Variants in CCDC85A observed in about 807,000 individuals in gnomAD.
CCDC85A encodes the protein coiled-coil domain-containing protein 85A.
Under a neutral mutation model 50.2 loss-of-function variants are expected in CCDC85A, and 38 were observed. That is an observed-to-expected ratio of 0.76 (90% CI 0.58 to 0.99). CCDC85A has a LOEUF of 0.99. CCDC85A is among the 50% of genes least tolerant of loss of function. CCDC85A has a pLI of 0.00. For missense variants in CCDC85A, 820 were observed against 742.0 expected (o/e 1.11, Z -1.22); for synonymous variants, 366 against 301.4 (o/e 1.21, Z -2.22).
chr2:56,183,881 C>T (rs1010973162), upstream of CCDC85A: 9 of 985,252 alleles, frequency 9.1e-6, no homozygotes, highest in African/African-American at 1.7e-5. Flanking sequence ...CTCGAGGGCC[C>T]GGGCAGCGGT....
intron 2 of CCDC85A, among the ~76,000 whole-genome samples, chr2:56,338,918 G>A (rs574978394): frequency 1.3e-5 from 2 of 152,176 alleles, no homozygotes; most frequent in African/African-American, 4.8e-5. Flanking sequence ...AACAGCCTGA[G>A]TACTCTTATT....
rs1676771613 is a variant in CCDC85A at position 56,385,231 on chromosome 2, C to A, written c.*876C>A. The A allele has an allele frequency of 6.6e-6, 1 of 152,210 alleles. No homozygotes were observed. Among genetic ancestry groups the A allele is most frequent in the Non-Finnish European group, 1.5e-5 (1 of 67,838 alleles). 9.4% of individuals were successfully genotyped at this position (152,210 alleles called of 1,614,324 possible). On this transcript the variant is annotated 3_prime_UTR_variant, in exon 6 of 6. Coordinates refer to ENST00000407595, the MANE Select transcript of CCDC85A (RefSeq NM_001080433.2). Reference sequence around the variant, plus strand: ...CAATTTCTACAATTTAGTTTCTAGACATGCTGTATATTTAATAAACTTTAT... The same window carrying A: ...CAATTTCTACAATTTAGTTTCTAGAAATGCTGTATATTTAATAAACTTTAT...
intron 2 of CCDC85A, among the ~76,000 whole-genome samples, chr2:56,207,331 C>G (rs947914533): frequency 6.6e-6 from 1 of 152,148 alleles, no homozygotes; most frequent in African/African-American, 2.4e-5. Flanking sequence ...ATCCCTAGCA[C>G]AGCTCCAGCT....
chr2:56,265,949 A>C (rs1292333320), intron 2 of CCDC85A, among the ~76,000 whole-genome samples: 1 of 152,254 alleles, frequency 6.6e-6, no homozygotes, highest in East Asian at 1.9e-4. Context: ...ACACAATGGC[A>C]TACTATTCAG....
intron 2 of CCDC85A, among the ~76,000 whole-genome samples, chr2:56,216,016 C>G (rs1484861915): frequency 1.3e-5 from 2 of 151,910 alleles, no homozygotes; most frequent in Admixed American, 6.6e-5. Context: ...ATTTGCACTA[C>G]AGTGGCAGAG....
chr2:56,314,057 C>T (rs1405479848), intron 2 of CCDC85A, among the ~76,000 whole-genome samples: 1 of 148,456 alleles, frequency 6.7e-6, no homozygotes, highest in Admixed American at 6.8e-5. Context: ...CTGCAGAGAT[C>T]AGGTGAGCTA....
rs141831961 is a variant in CCDC85A at position 56,200,429 on chromosome 2, C to T, written c.1240+6989C>T. 9.5e-3 allele frequency among the ~76,000 whole-genome samples: 1,445 copies of T among 152,174 alleles called. 15 individuals carry two copies. The highest frequency in any genetic ancestry group is 0.027 in the Middle Eastern group (8 of 294). Reference sequence around the variant, plus strand: ...CAAGAGAGCTGGGAAATTTGAGATTCGATATCAAGAGTAGACTACGGGACA... The same window carrying T: ...CAAGAGAGCTGGGAAATTTGAGATTTGATATCAAGAGTAGACTACGGGACA... On this transcript the variant is annotated intron_variant, in intron 2 of 5. Transcript: ENST00000407595.
At chr2:56,371,342 G>A (rs1676062299) in intron 3 of CCDC85A, among the ~76,000 whole-genome samples, 1 of 151,984 alleles carries the variant, frequency 6.6e-6, no homozygotes, top group Non-Finnish European at 1.5e-5. Context: ...AGTTAGAGAA[G>A]AGTGAAAATT....
At chr2:56,295,922 A>T (rs1671926858) in intron 2 of CCDC85A, among the ~76,000 whole-genome samples, 2 of 152,332 alleles carry the variant, frequency 1.3e-5, no homozygotes, top group African/African-American at 4.8e-5. Context: ...AGGATTCTGC[A>T]AATCTAGCTG....
chr2:56,256,441 G>A (rs1316797423), intron 2 of CCDC85A, among the ~76,000 whole-genome samples: 1 of 152,168 alleles, frequency 6.6e-6, no homozygotes, highest in Non-Finnish European at 1.5e-5. Context: ...ATTGATCAGT[G>A]TTATCATTTT....
intron 2 of CCDC85A, among the ~76,000 whole-genome samples, chr2:56,336,046 G>A (rs1674056018): frequency 6.6e-6 from 1 of 152,116 alleles, no homozygotes; most frequent in African/African-American, 2.4e-5. Context: ...AAACAGTCAA[G>A]CCAACACAGA....
intron 2 of CCDC85A, among the ~76,000 whole-genome samples, chr2:56,280,834 A>G (rs1288195681): frequency 6.6e-6 from 1 of 152,186 alleles, no homozygotes; most frequent in Non-Finnish European, 1.5e-5. Flanking sequence ...TAATAAAGTT[A>G]TATTATTGAC....
At chr2:56,185,695 T>A (rs1675994419) in intron 1 of CCDC85A, 2 of 152,432 alleles carry the variant, frequency 1.3e-5, no homozygotes, top group Admixed American at 1.3e-4. Flanking sequence ...AAGGGAAACG[T>A]ACCCCAAGCC....
rs563190044 is a variant in CCDC85A, at chr2:56,314,220, C to T, written c.1241-28659C>T. 2.6e-4 allele frequency among the ~76,000 whole-genome samples: 40 copies of T among 151,098 alleles called. No individual in the cohort carries two copies. In the East Asian group the frequency reaches 5.1e-3, roughly 19 times the overall value. On this transcript the variant is annotated intron_variant, in intron 2 of 5. Coordinates refer to ENST00000407595, the MANE Select transcript of CCDC85A (RefSeq NM_001080433.2). ...GAAGGCAGGGCTAAGGCATAGCTGCCGAGCAGAATTGAACCTGTGGTCAGA... is the reference window on the plus strand; with the variant it reads ...GAAGGCAGGGCTAAGGCATAGCTGCTGAGCAGAATTGAACCTGTGGTCAGA...
chr2:56,332,181 A>G (rs1435267275), intron 2 of CCDC85A, among the ~76,000 whole-genome samples: 2 of 152,206 alleles, frequency 1.3e-5, no homozygotes, highest in African/African-American at 2.4e-5. Flanking sequence ...GGGCATTTAG[A>G]TTGTATTCTA....
intron 2 of CCDC85A, among the ~76,000 whole-genome samples, chr2:56,231,037 A>G (rs1017343613): frequency 1.3e-5 from 2 of 152,146 alleles, no homozygotes; most frequent in Non-Finnish European, 2.9e-5. Context: ...TTTCCCTTAT[A>G]CTAAAAGGCA....
At chr2:56,224,859 T>A (rs1394762555) in intron 2 of CCDC85A, among the ~76,000 whole-genome samples, 1 of 152,162 alleles carries the variant, frequency 6.6e-6, no homozygotes, top group Non-Finnish European at 1.5e-5. Context: ...ATCAGATATA[T>A]GATGTACAAA....
chr2:56,249,683 G>A (rs1454564967), intron 2 of CCDC85A, among the ~76,000 whole-genome samples: 1 of 152,156 alleles, frequency 6.6e-6, no homozygotes, highest in Non-Finnish European at 1.5e-5. Flanking sequence ...AATTTTCTTT[G>A]CCTTCTAAGT....
chr2:56,211,772 G>T (rs915693425), intron 2 of CCDC85A, among the ~76,000 whole-genome samples: 6 of 151,946 alleles, frequency 3.9e-5, no homozygotes, highest in African/African-American at 1.4e-4. Context: ...CTGTTACTCA[G>T]ACGCACACAA....
Sources: allele counts gnomAD v4.1 joint callset (sites outside exome capture counted in the v4.1 genomes callset), GRCh38; gene constraint gnomAD v4.1.1; transcripts MANE v1.5; gene names NCBI Gene and HGNC (gene_info 2026-07-23, HGNC 2026-07-21).